The following KAT2A variants were observed in gnomAD, a reference collection of about 807,000 sequenced individuals.
KAT2A encodes the protein histone acetyltransferase KAT2A.
In KAT2A, 42 loss-of-function variants were observed where a neutral mutation model predicts 95.2. That is an observed-to-expected ratio of 0.44 (90% CI 0.34 to 0.57). The LOEUF is 0.57. KAT2A is among the 20% of genes least tolerant of loss of function. The probability of loss-of-function intolerance (pLI) is 0.01; values close to 1 mark genes in which losing one functional copy is unlikely to be tolerated. For missense variants in KAT2A, 784 were observed against 1,126.3 expected (o/e 0.70, Z 4.35); for synonymous variants, 449 against 448.2 (o/e 1.00, Z -0.02).
At chr17:42,115,877 C>T in intron 11 of KAT2A, 44 bp from the exon 12 acceptor site, 1 of 1,138,656 alleles carries the variant, frequency 8.8e-7, no homozygotes, top group Non-Finnish European at 1.3e-6. Context: ...TGAGGATGGG[C>T]CTGGTGCTGG....
intron 6 of KAT2A, among the ~76,000 whole-genome samples, chr17:42,118,841 A>T (rs1163949800): frequency 2.6e-5 from 4 of 152,212 alleles, no homozygotes; most frequent in Non-Finnish European, 4.4e-5. Context: ...TATGGCCTAG[A>T]TTTTAAAAGG....
rs1555667251 is a variant in KAT2A, at chr17:42,121,101, C to G, written c.204G>C (p.Gly68=). ...TGTGGPGVGS[G]GAGSGGDPAR... ...CCGGATCCCCCCCGCTCCCGGCCCC[C>G]CCACTTCCTACCCCGGGCCCCCCAG... The change falls in exon 1 of 18, where the codon GGG becomes GGC. Residue 68 remains glycine (G), a synonymous_variant. Transcript: ENST00000225916. 1 of 1,534,896 alleles carries G rather than the reference C, an allele frequency of 6.5e-7. No individual in the cohort carries two copies. The highest frequency in any genetic ancestry group is 1.9e-5 in the Admixed American group (1 of 51,612).
Position 42,117,537 on chromosome 17 carries a change from G to T in KAT2A, c.1488C>A (p.Arg496=). Residue 496 remains arginine (R), a synonymous_variant, in exon 10 of 18, where the codon CGC becomes CGA. Coordinates refer to ENST00000225916, the MANE Select transcript of KAT2A (RefSeq NM_021078.3). This position sits in a 1 kb window ranked among gnomAD's most constrained non-coding sequence, Gnocchi z 8.9. The part of the protein sequence containing the change: ...RDETARLEER[R]GIIEFHVIGN... ...CGATGACATGGAACTCGATGATGCC[G>T]CGGCGCTCCTCCAGGCGGGCTGTCT... The T allele has an allele frequency of 6.2e-7, 1 of 1,613,492 alleles. No homozygotes were observed.
At chr17:42,120,157 G>A (rs1418872878) in intron 3 of KAT2A, 38 bp from the exon 4 acceptor site, 4 of 1,611,940 alleles carry the variant, frequency 2.5e-6, no homozygotes, top group Non-Finnish European at 3.4e-6. Flanking sequence ...GGGGAGGGGG[G>A]CAGAGCTGCA....
rs782493089 is a variant in KAT2A at position 42,114,515 on chromosome 17, G to C, written c.2109C>G (p.Ile703Met). ...LSCFKEGVRQ[I>M]PVESVPGIRE... ...GAATGCCAGGAACGCTCTCCACAGG[G>C]ATCTGCCTCACGCCCTCCTTGAAGC... is the stretch of plus-strand genomic sequence containing the variant. Residue 703 changes from isoleucine to methionine, a missense_variant, in exon 14 of 18, where the codon ATC becomes ATG. Transcript: ENST00000225916. The surrounding 1 kb of genome is among the most constrained non-coding windows in gnomAD (Gnocchi z 6.0). 1.2e-6 allele frequency: 2 copies of C among 1,614,078 alleles called. No homozygotes were observed. Among genetic ancestry groups the C allele is most frequent in the Non-Finnish European group, 1.7e-6 (2 of 1,179,974 alleles).
Position 42,119,165 on chromosome 17 carries a change from G to A in KAT2A, c.1073+80C>T, listed in dbSNP as rs569539349. On this transcript the variant is annotated intron_variant, in intron 6 of 17. Coordinates refer to ENST00000225916, the MANE Select transcript of KAT2A (RefSeq NM_021078.3). This position sits in a 1 kb window ranked among gnomAD's most constrained non-coding sequence, Gnocchi z 5.3. ...GGAGGGAGAGGAGGGACCAATCCAG[G>A]AAGCCTTCCTGGAAAAAAGGGGACA... 2 of 1,525,910 alleles carry A rather than the reference G, an allele frequency of 1.3e-6. No individual in the cohort carries two copies. The highest frequency in any genetic ancestry group is 2.3e-5 in the East Asian group (1 of 43,700). 94.5% of individuals were successfully genotyped at this position (1,525,910 alleles called of 1,614,324 possible).
intron 6 of KAT2A, chr17:42,118,985 G>A: frequency 7.8e-7 from 1 of 1,274,044 alleles, no homozygotes; most frequent in Non-Finnish European, 1.0e-6. Flanking sequence ...AGGCCCCCAT[G>A]GGAAACAATT....
rs782710248 is a variant in KAT2A, at chr17:42,113,660, T to C, written c.2503A>G (p.Ile835Val). ...GCCCAAAGATGGGCCTACTTGTCAA[T>C]GAGGCCTCCCTCCTTGAGCTTGAAG... is the stretch of plus-strand genomic sequence containing the variant. The part of the protein sequence containing the change: ...FYFKLKEGGL[I>V]DK The change falls in exon 18 of 18, where the codon ATT becomes GTT. Residue 835 changes from isoleucine to valine, a missense_variant. Physicochemically the swap from Ile to Val is conservative, Grantham distance 29. Transcript: ENST00000225916. 1.2e-6 allele frequency: 2 copies of C among 1,607,936 alleles called. No homozygotes were observed. Among genetic ancestry groups the C allele is most frequent in the East Asian group, 2.2e-5 (1 of 44,630 alleles).
chr17:42,117,681 A>C lies in KAT2A; in HGVS notation c.1425T>G (p.Pro475=). 1 of 1,609,600 alleles carries C rather than the reference A, an allele frequency of 6.2e-7. No homozygotes were observed. Among genetic ancestry groups the C allele is most frequent in the Non-Finnish European group, 8.5e-7 (1 of 1,177,244 alleles). The change falls in exon 9 of 18, where the codon CCT becomes CCG. Residue 475 remains proline (P), a synonymous_variant. Coordinates refer to ENST00000225916, the MANE Select transcript of KAT2A (RefSeq NM_021078.3). This position sits in a 1 kb window ranked among gnomAD's most constrained non-coding sequence, Gnocchi z 8.9. ...TITDPAAMLG[P]ETSLLSANAA... is the part of the protein sequence containing the mutation. ...GTCAGCAGGTCGGGCTGCCCACCTC[A>C]GGCCCCAGCATGGCAGCAGGGTCAG...
intron 2 of KAT2A, 148 bp downstream of exon 2, chr17:42,120,558 T>C: frequency 1.6e-6 from 2 of 1,255,436 alleles, no homozygotes; most frequent in Non-Finnish European, 2.2e-6. Flanking sequence ...ATTTCCTTTC[T>C]CCCCCCTTGG....
chr17:42,118,024 A>AGC lies in KAT2A; in HGVS notation c.1181-8_1181-7insGC. On this transcript the variant is annotated splice_region_variant and splice_polypyrimidine_tract_variant and intron_variant, in intron 7 of 17. Coordinates refer to ENST00000225916, the MANE Select transcript of KAT2A (RefSeq NM_021078.3). ...ACCGCTGCACTGACTGAAGCTGAGG[A>AGC]GAGAGAGAGACGTCAGGGATGGGGG... 1 of 1,420,890 alleles carries AGC rather than the reference A, an allele frequency of 7.0e-7. No individual in the cohort carries two copies. The highest frequency in any genetic ancestry group is 9.5e-7 in the Non-Finnish European group (1 of 1,050,876). The allele number at this position is 1,420,890 out of a possible 1,614,324, so 88.0% of individuals were successfully genotyped here. A position where few individuals can be genotyped will look rare whatever the true frequency, so the allele number is the denominator to read the frequency against.
chr17:42,120,257 C>T lies in KAT2A; in HGVS notation c.577G>A (p.Asp193Asn), dbSNP rs782747929. 6.2e-7 allele frequency: 1 copy of T among 1,614,226 alleles called. No individual in the cohort carries two copies. Among genetic ancestry groups the T allele is most frequent in the South Asian group, 1.1e-5 (1 of 91,088 alleles). ...AGGTAGAAATAGACCTGCTTGGTGT[C>T]TGTGTCCTCTTCCTTGTGAACAGAC... ...FMSVHKEEDT[D>N]TKQVYFYLFK... is the part of the protein sequence containing the mutation. The change falls in exon 3 of 18, where the codon GAC (aspartate) becomes AAC (asparagine). Residue 193 changes from aspartate (D) to asparagine (N), a missense_variant. Physicochemically the swap from Asp to Asn is conservative, Grantham distance 23 (BLOSUM62 1). Transcript: ENST00000225916.
At position 42,115,837 on chromosome 17, in the gene KAT2A, C is replaced by T. The variant is rs368260038; in HGVS notation, c.1765-4G>A. 11 of 1,571,766 alleles carry T rather than the reference C, an allele frequency of 7.0e-6. No homozygotes were observed. The highest frequency in any genetic ancestry group is 4.5e-5 in the East Asian group (2 of 44,710). ...TCATCAGGTGGGTCCCATAACCCTG[C>T]GGGGGAGGGAAGCAGGACTCACCAG... is the stretch of plus-strand genomic sequence containing the variant. On this transcript the variant is annotated splice_polypyrimidine_tract_variant and splice_region_variant and intron_variant, in intron 11 of 17. Transcript: ENST00000225916.
rs1471465266 is a variant in KAT2A at position 42,118,249 on chromosome 17, C to T, written c.1180+48G>A. 2.8e-6 allele frequency: 4 copies of T among 1,434,436 alleles called. No homozygotes were observed. In the Admixed American group the frequency reaches 5.1e-5, roughly 18 times the overall value. The allele number at this position is 1,434,436 out of a possible 1,614,324, so 88.9% of individuals were successfully genotyped here. A position where few individuals can be genotyped will look rare whatever the true frequency, so the allele number is the denominator to read the frequency against. ...GCTCTCTTCCACCCAGGAGGCTTAGCTCAGCCAGGCAGGCCAGACACCCTA... is the reference window on the plus strand; with the variant it reads ...GCTCTCTTCCACCCAGGAGGCTTAGTTCAGCCAGGCAGGCCAGACACCCTA... On this transcript the variant is annotated intron_variant, in intron 7 of 17. Coordinates refer to ENST00000225916, the MANE Select transcript of KAT2A (RefSeq NM_021078.3).
In KAT2A at chr17:42,119,659, C is replaced by T. The variant is rs782349399; in HGVS notation, c.759G>A (p.Thr253=). 1.1e-5 allele frequency: 18 copies of T among 1,613,802 alleles called. No individual in the cohort carries two copies. Among genetic ancestry groups the T allele is most frequent in the Admixed American group, 5.0e-5 (3 of 59,948 alleles). ...AGAACATCTTTGAGAGCTCGAACAT[C>T]GTCTGCCGCTCCCGGGGAGCCAGGT... The part of the protein sequence containing the change: ...FSHLAPRERQ[T]MFELSKMFLL... The change falls in exon 5 of 18, where the codon ACG becomes ACA. Residue 253 remains threonine, a synonymous_variant. Coordinates refer to ENST00000225916, the MANE Select transcript of KAT2A (RefSeq NM_021078.3). The surrounding 1 kb of genome is among the most constrained non-coding windows in gnomAD (Gnocchi z 5.3).
At chr17:42,115,474 GC>G (rs2054244554) in intron 12 of KAT2A, among the ~76,000 whole-genome samples, 1 of 128,930 alleles carries the variant, frequency 7.8e-6, no homozygotes, top group Admixed American at 8.6e-5. Context: ...TGCTTTACTG[GC>G]CCCCTAGTTC....
At chr17:42,118,984 T>A in intron 6 of KAT2A, 1 of 1,270,750 alleles carries the variant, frequency 7.9e-7, no homozygotes, top group Non-Finnish European at 1.0e-6. Flanking sequence ...CAGGCCCCCA[T>A]GGGAAACAAT....
Position 42,118,179 on chromosome 17 carries a change from G to T in KAT2A, c.1180+118C>A, listed in dbSNP as rs1282340498. The T allele has an allele frequency of 3.5e-6, 3 of 866,604 alleles. No individual in the cohort carries two copies. The Admixed American group carries it at 6.5e-5, about 19-fold the overall frequency. 53.7% of individuals were successfully genotyped at this position (866,604 alleles called of 1,614,324 possible). A position where few individuals can be genotyped will look rare whatever the true frequency, so the allele number is the denominator to read the frequency against. On this transcript the variant is annotated intron_variant, in intron 7 of 17. Transcript: ENST00000225916. The stretch of plus-strand genomic sequence containing the variant: ...GGCAGGGACTGGGGGGGCTGAAGCC[G>T]GTGGCAGGTCCCTCAGTGGGATCCA...
intron 7 of KAT2A, 128 bp downstream of exon 7, chr17:42,118,169 G>C (rs193219765): frequency 1.3e-4 from 110 of 815,704 alleles, no homozygotes; most frequent in African/African-American, 7.2e-4. Flanking sequence ...GGACTGGGGG[G>C]GCTGAAGCCG....
Sources: gnomAD v4.1 joint callset for allele counts (sites outside exome capture counted in the v4.1 genomes callset) on GRCh38, gnomAD v4.1.1 for gene constraint, Gnocchi (gnomAD v3.1) non-coding constraint, MANE v1.5 for transcripts, NCBI Gene and HGNC (gene_info 2026-07-23, HGNC 2026-07-21) for gene names.